Variants in PARD3B observed in about 807,000 individuals in gnomAD.
The protein encoded by PARD3B is partitioning defective 3 homolog B.
In PARD3B, 103 loss-of-function variants were observed where a neutral mutation model predicts 130.2. That is an observed-to-expected ratio of 0.79 (90% CI 0.67 to 0.93). The LOEUF is 0.93. Among genes scored for constraint, PARD3B ranks in the 40% least tolerant of loss-of-function variants. The probability of loss-of-function intolerance (pLI) is 0.00; values close to 1 mark genes in which losing one functional copy is unlikely to be tolerated. For missense variants in PARD3B, 1,609 were observed against 1,499.2 expected (o/e 1.07, Z -1.21); for synonymous variants, 583 against 553.2 (o/e 1.05, Z -0.76).
Position 205,265,310 on chromosome 2 carries a change from G to A in PARD3B, c.2185+19488G>A, listed in dbSNP as rs530095143. ...GAAGATTGGGGTGATACATGGAATC[G>A]ATGCACTTTCAAGTTGGCGGATCTG... On this transcript the variant is annotated intron_variant, in intron 16 of 22. Coordinates refer to ENST00000406610, the MANE Select transcript of PARD3B (RefSeq NM_001302769.2). This position sits in a 1 kb window ranked among gnomAD's most constrained non-coding sequence, Gnocchi z 4.3. 2.6e-5 allele frequency among the ~76,000 whole-genome samples: 4 copies of A among 152,070 alleles called. No homozygotes were observed. The highest frequency in any genetic ancestry group is 2.1e-4 in the South Asian group (1 of 4,810).
intron 19 of PARD3B, among the ~76,000 whole-genome samples, chr2:205,437,371 C>T (rs1202894437): frequency 6.6e-6 from 1 of 152,050 alleles, no homozygotes; most frequent in East Asian, 1.9e-4. Flanking sequence ...AAGATTATTC[C>T]AGAGCCTTTT....
intron 2 of PARD3B, among the ~76,000 whole-genome samples, chr2:204,707,561 G>C (rs1267335216): frequency 2.0e-5 from 3 of 152,028 alleles, no homozygotes; most frequent in Non-Finnish European, 4.4e-5. Flanking sequence ...TTGTAACTAT[G>C]AATTATAGCT....
chr2:204,788,913 C>A (rs1053723889), intron 2 of PARD3B, among the ~76,000 whole-genome samples: 3 of 152,030 alleles, frequency 2.0e-5, no homozygotes, highest in Non-Finnish European at 4.4e-5. Context: ...TAGAGCATTT[C>A]CTCTACTGCT....
chr2:204,918,862 G>C (rs888486738), intron 2 of PARD3B, among the ~76,000 whole-genome samples: 3 of 151,156 alleles, frequency 2.0e-5, no homozygotes, highest in Non-Finnish European at 4.4e-5. Flanking sequence ...TAGTTCGTCT[G>C]TGTTTCTGGT....
chr2:204,988,011 A>AAG (rs1226602335), intron 3 of PARD3B, among the ~76,000 whole-genome samples: 1 of 151,130 alleles, frequency 6.6e-6, no homozygotes, highest in Admixed American at 6.6e-5. Context: ...AATATGGCAA[A>AAG]AGAGAGAGAG....
chr2:204,849,314 T>A (rs891004421), intron 2 of PARD3B, among the ~76,000 whole-genome samples: 1 of 152,196 alleles, frequency 6.6e-6, no homozygotes, highest in Admixed American at 6.5e-5. Context: ...AATTACTGTA[T>A]GCATATTATT....
intron 22 of PARD3B, among the ~76,000 whole-genome samples, chr2:205,559,765 A>C: frequency 6.6e-6 from 1 of 151,840 alleles, no homozygotes; most frequent in Non-Finnish European, 1.5e-5. Flanking sequence ...TGCCCGGCTA[A>C]TTTTTGTATT....
intron 20 of PARD3B, among the ~76,000 whole-genome samples, chr2:205,464,614 G>T (rs2048561442): frequency 6.6e-6 from 1 of 152,098 alleles, no homozygotes. Context: ...TAGCATTTAT[G>T]GAAAGGCTCT....
intron 3 of PARD3B, among the ~76,000 whole-genome samples, chr2:205,009,672 A>C (rs1327113869): frequency 5.8e-5 from 1 of 17,106 alleles, no homozygotes; most frequent in East Asian, 0.1. Context: ...CTCCGTCTCA[A>C]AAAAAAAAAA....
At chr2:204,902,547 C>T (rs534043904) in intron 2 of PARD3B, among the ~76,000 whole-genome samples, 218 of 151,618 alleles carry the variant, frequency 1.4e-3, no homozygotes, top group Non-Finnish European at 2.3e-3. Flanking sequence ...CGGGCGCCTG[C>T]AGTCCCAGCT....
intron 22 of PARD3B, among the ~76,000 whole-genome samples, chr2:205,614,653 C>A (rs1275967775): frequency 6.6e-6 from 1 of 151,464 alleles, no homozygotes; most frequent in Non-Finnish European, 1.5e-5. Flanking sequence ...TTGCAGTGAG[C>A]TGAGATCGCA....
At chr2:205,234,009 C>CA (rs776498659) in intron 15 of PARD3B, among the ~76,000 whole-genome samples, 2 of 151,870 alleles carry the variant, frequency 1.3e-5, no homozygotes, top group African/African-American at 2.4e-5. Flanking sequence ...AATAATAATA[C>CA]AAAAAATACC....
chr2:204,835,672 T>C lies in PARD3B; in HGVS notation c.223-129480T>C, dbSNP rs539094033. On this transcript the variant is annotated intron_variant, in intron 2 of 22. Coordinates refer to ENST00000406610, the MANE Select transcript of PARD3B (RefSeq NM_001302769.2). ...TTAAAATGGTTTGACTTGAGATTTT[T>C]TGACTTATGCTGGTGTGAAAGCAGT... Among the ~76,000 whole-genome samples the C allele has an allele frequency of 1.4e-4, 21 of 152,348 alleles. 1 individual carries two copies. Among genetic ancestry groups the C allele is most frequent in the African/African-American group, 4.6e-4 (19 of 41,580 alleles).
chr2:205,057,225 A>G (rs552561717), intron 4 of PARD3B, among the ~76,000 whole-genome samples: 352 of 150,552 alleles, frequency 2.3e-3, no homozygotes, highest in Non-Finnish European at 4.1e-3. Context: ...TTATGTATGT[A>G]TATGTGTTAT....
intron 22 of PARD3B, among the ~76,000 whole-genome samples, chr2:205,607,837 CACACACACACACACACA>C (rs2055064511): frequency 5.3e-5 from 5 of 94,450 alleles, no homozygotes; most frequent in Non-Finnish European, 8.6e-5. Context: ...CCCATACACA[CACACACACACACACACA>C]CACACACACA....
At chr2:204,951,383 G>C (rs1689755661) in intron 2 of PARD3B, among the ~76,000 whole-genome samples, 1 of 152,178 alleles carries the variant, frequency 6.6e-6, no homozygotes, top group South Asian at 2.1e-4. Flanking sequence ...TAATCCAGTG[G>C]ATCCCTTCAA....
intron 12 of PARD3B, among the ~76,000 whole-genome samples, chr2:205,174,852 T>C (rs1218373671): frequency 1.3e-5 from 2 of 152,226 alleles, no homozygotes; most frequent in African/African-American, 4.8e-5. Context: ...GAAGAATACA[T>C]AATGAGCCCT....
chr2:205,479,868 A>G (rs1303383407), intron 20 of PARD3B, among the ~76,000 whole-genome samples: 2 of 149,788 alleles, frequency 1.3e-5, no homozygotes, highest in East Asian at 2.0e-4. Flanking sequence ...ACTTTGTTCC[A>G]TGAGCATTAA....
chr2:205,328,437 C>A (rs776797314), intron 18 of PARD3B, among the ~76,000 whole-genome samples: 2 of 151,848 alleles, frequency 1.3e-5, no homozygotes, highest in Non-Finnish European at 2.9e-5. Context: ...GATAATAACC[C>A]CCTTAATGGT....
Sources: gnomAD v4.1 joint callset for allele counts (sites outside exome capture counted in the v4.1 genomes callset) on GRCh38, gnomAD v4.1.1 for gene constraint, Gnocchi (gnomAD v3.1) non-coding constraint, MANE v1.5 for transcripts, NCBI Gene and HGNC (gene_info 2026-07-23, HGNC 2026-07-21) for gene names.